WEE1: variants seen among roughly 807,000 people sequenced by gnomAD.
WEE1 encodes WEE1 G2 checkpoint kinase, also known as wee1-like protein kinase.
In WEE1, 16 loss-of-function variants were observed where a neutral mutation model predicts 68.8. That is an observed-to-expected ratio of 0.23 (90% CI 0.16 to 0.35). The LOEUF (loss-of-function observed/expected upper bound fraction) is 0.35, where lower values mean the gene tolerates loss of function less well. Ranked by LOEUF, WEE1 falls within the 10% of genes least tolerant of loss-of-function variation. The probability of loss-of-function intolerance (pLI) is 1.00; values close to 1 mark genes in which losing one functional copy is unlikely to be tolerated. For synonymous variants in WEE1, 349 were observed against 318.7 expected (o/e 1.09, Z -1.01); for missense variants, 651 against 824.1 (o/e 0.79, Z 2.57).
At position 9,584,295 on chromosome 11, in the gene WEE1, C is replaced by T. The variant is rs1045818729; in HGVS notation, c.1289-963C>T. 9.9e-5 allele frequency among the ~76,000 whole-genome samples: 15 copies of T among 152,144 alleles called. 1 individual carries two copies. Among genetic ancestry groups the T allele is most frequent in the South Asian group, 2.1e-4 (1 of 4,804 alleles). On this transcript the variant is annotated intron_variant, in intron 6 of 10. Coordinates refer to ENST00000450114, the MANE Select transcript of WEE1 (RefSeq NM_003390.4). ...GGACTACAGGCATGCACCACCATTCCCAGCTATTTTAATTTTTTTCTTTTT... is the reference window on the plus strand; with the variant it reads ...GGACTACAGGCATGCACCACCATTCTCAGCTATTTTAATTTTTTTCTTTTT...
chr11:9,576,162 T>A lies in WEE1; in HGVS notation c.783-68T>A. 1 of 1,603,606 alleles carries A rather than the reference T, an allele frequency of 6.2e-7. No homozygotes were observed. The highest frequency in any genetic ancestry group is 8.5e-7 in the Non-Finnish European group (1 of 1,173,440). On this transcript the variant is annotated intron_variant, in intron 2 of 10. Transcript: ENST00000450114. This position sits in a 1 kb window ranked among gnomAD's most constrained non-coding sequence, Gnocchi z 4.3. ...ATTGGTTTGGTATACTTATCAAAATTTAGTTCCTATTTAATGGCATGGATG... is the reference window on the plus strand; with the variant it reads ...ATTGGTTTGGTATACTTATCAAAATATAGTTCCTATTTAATGGCATGGATG...
Position 9,586,635 on chromosome 11 carries a change from A to T in WEE1, c.1641+16A>T. On this transcript the variant is annotated intron_variant, in intron 9 of 10. Coordinates refer to ENST00000450114, the MANE Select transcript of WEE1 (RefSeq NM_003390.4). ...GTTGCTAAAAGTGAGCATTTTATAT[A>T]TGAAGCCCTTTATTGACATGGTTCT... The T allele has an allele frequency of 1.2e-6, 2 of 1,613,714 alleles. No individual in the cohort carries two copies. Among genetic ancestry groups the T allele is most frequent in the Admixed American group, 1.7e-5 (1 of 59,886 alleles).
Position 9,574,662 on chromosome 11 carries a change from T to G in WEE1, c.576+153T>G. The G allele has an allele frequency of 1.8e-6, 2 of 1,100,996 alleles. No individual in the cohort carries two copies. The highest frequency in any genetic ancestry group is 1.1e-6 in the Non-Finnish European group (1 of 905,832). 68.2% of individuals were successfully genotyped at this position (1,100,996 alleles called of 1,614,324 possible). On this transcript the variant is annotated intron_variant, in intron 1 of 10. Coordinates refer to ENST00000450114, the MANE Select transcript of WEE1 (RefSeq NM_003390.4). This position sits in a 1 kb window ranked among gnomAD's most constrained non-coding sequence, Gnocchi z 4.9. Reference sequence around the variant, plus strand: ...AGTTGGCAGCCCTTGTGTTTGGCCCTGCCCCGAGGTTGTCCGTTGAGATTA... The same window carrying G: ...AGTTGGCAGCCCTTGTGTTTGGCCCGGCCCCGAGGTTGTCCGTTGAGATTA...
Position 9,586,840 on chromosome 11 carries a change from A to G in WEE1, c.1771A>G (p.Asn591Asp). 1 of 1,605,122 alleles carries G rather than the reference A, an allele frequency of 6.2e-7. No homozygotes were observed. The highest frequency in any genetic ancestry group is 8.5e-7 in the Non-Finnish European group (1 of 1,177,802). The change falls in exon 10 of 11, where the codon AAT becomes GAT. Residue 591 changes from asparagine to aspartate, a missense_variant. Asn to Asp is a conservative substitution (Grantham distance 23, BLOSUM62 1). Transcript: ENST00000450114. ...RIELNAEKFKNSLLQKELKKA... is the reference protein window; with the variant it reads ...RIELNAEKFKDSLLQKELKKA... Reference sequence around the variant, plus strand: ...AGAATTGAATGCCGAAAAGTTCAAAAATTCACTTTTACAAAAGTAAGTGAG... The same window carrying G: ...AGAATTGAATGCCGAAAAGTTCAAAGATTCACTTTTACAAAAGTAAGTGAG...
At chr11:9,585,731 ACAC>A (rs1849692944) in intron 8 of WEE1, among the ~76,000 whole-genome samples, 1 of 152,244 alleles carries the variant, frequency 6.6e-6, no homozygotes, top group Non-Finnish European at 1.5e-5. Flanking sequence ...ATGTTCTCAT[ACAC>A]CACTGGTGGA....
intron 6 of WEE1, among the ~76,000 whole-genome samples, chr11:9,582,597 C>T (rs1030142768): frequency 2.0e-5 from 3 of 152,220 alleles, no homozygotes; most frequent in Middle Eastern, 3.4e-3. Flanking sequence ...GATGGAGTCT[C>T]GCTCTGTTGC....
chr11:9,575,809 G>C (rs1174128465), intron 1 of WEE1, 79 bp from the exon 2 acceptor site: 3 of 1,263,136 alleles, frequency 2.4e-6, no homozygotes, highest in East Asian at 2.4e-5. Flanking sequence ...CCTATGAAAG[G>C]CTCGTTGAAG....
chr11:9,574,541 CG>C lies in WEE1; in HGVS notation c.576+36del, dbSNP rs1430831844. The C allele has an allele frequency of 1.7e-6, 2 of 1,172,242 alleles. No individual in the cohort carries two copies. Among genetic ancestry groups the C allele is most frequent in the South Asian group, 3.9e-5 (1 of 25,734 alleles). The allele number at this position is 1,172,242 out of a possible 1,614,324, so 72.6% of individuals were successfully genotyped here. Reference sequence around the variant, plus strand: ...GCGGCGGGCGCGGGCACCCGGCGGCCGGGGCCGCGGCGCCGGAGGGGCCAGC... The same window carrying C: ...GCGGCGGGCGCGGGCACCCGGCGGCCGGGCCGCGGCGCCGGAGGGGCCAGC... On this transcript the variant is annotated intron_variant, in intron 1 of 10. Transcript: ENST00000450114. The surrounding 1 kb of genome is among the most constrained non-coding windows in gnomAD (Gnocchi z 4.9).
chr11:9,585,470 C>G lies in WEE1; in HGVS notation c.1413C>G (p.Ser471=). The change falls in exon 8 of 11, where the codon TCC becomes TCG. Residue 471 remains serine (S), a synonymous_variant. Transcript: ENST00000450114. ...ATCTTGGGCATGTAACAAGGATCTC[C>G]AGTCCACAAGTTGAAGAGGGCGATA... ...IGDLGHVTRI[S]SPQVEEGDSR... is the part of the protein sequence containing the mutation. The G allele has an allele frequency of 6.2e-7, 1 of 1,604,438 alleles. No individual in the cohort carries two copies. The highest frequency in any genetic ancestry group is 8.5e-7 in the Non-Finnish European group (1 of 1,177,684).
chr11:9,575,284 C>G lies in WEE1; in HGVS notation c.577-604C>G, dbSNP rs150591782. On this transcript the variant is annotated intron_variant, in intron 1 of 10. Coordinates refer to ENST00000450114, the MANE Select transcript of WEE1 (RefSeq NM_003390.4). ...CCTTCGAGTACTGCGCAGATGACCA[C>G]TTTTAAAACTGCAGATTTTAAAGCT... 1.5e-4 allele frequency: 147 copies of G among 986,986 alleles called. 1 individual carries two copies. The African/African-American group carries it at 2.2e-3, about 15-fold the overall frequency. The allele number at this position is 986,986 out of a possible 1,614,324, so 61.1% of individuals were successfully genotyped here.
Position 9,588,497 on chromosome 11 carries a change from A to T in WEE1, c.1836A>T (p.Ala612=), listed in dbSNP as rs946660028. 1.9e-6 allele frequency: 3 copies of T among 1,609,428 alleles called. No individual in the cohort carries two copies. The African/African-American group carries it at 4.0e-5, about 22-fold the overall frequency. The part of the protein sequence containing the change: ...QMAKAAAEER[A]LFTDRMATRS... ...CAAAAGCTGCAGCTGAGGAAAGAGC[A>T]CTCTTCACTGACCGGATGGCCACTA... Residue 612 remains alanine (A), a synonymous_variant, in exon 11 of 11, where the codon GCA becomes GCT. Transcript: ENST00000450114.
chr11:9,574,032 TGAGGAGGAGGAAGAAGAG>T lies in WEE1; in HGVS notation c.111_128del (p.Glu38_Glu43del). ...TGATCTTCTCGCCCTGCAGCGACTG[TGAGGAGGAGGAAGAAGAG>T]GAGGAGGAGGAGGGCAGCGGCCACA... On this transcript the variant is annotated inframe_deletion, in exon 1 of 11. Transcript: ENST00000450114. The surrounding 1 kb of genome is among the most constrained non-coding windows in gnomAD (Gnocchi z 4.9). The T allele has an allele frequency of 7.9e-7, 1 of 1,264,776 alleles. No individual in the cohort carries two copies. The highest frequency in any genetic ancestry group is 1.0e-6 in the Non-Finnish European group (1 of 1,004,392). 78.3% of individuals were successfully genotyped at this position (1,264,776 alleles called of 1,614,324 possible). A position where few individuals can be genotyped will look rare whatever the true frequency, so the allele number is the denominator to read the frequency against.
rs1167009979 is a variant in WEE1 at position 9,576,100 on chromosome 11, C to T, written c.782+7C>T. On this transcript the variant is annotated splice_region_variant and intron_variant, in intron 2 of 10. Transcript: ENST00000450114. The surrounding 1 kb of genome is among the most constrained non-coding windows in gnomAD (Gnocchi z 4.3). ...AGAGAACGTATTGGAATGAGTAAGT[C>T]GTTTATTTAACAGTTTGGTTCTCCA... 2 of 1,613,432 alleles carry T rather than the reference C, an allele frequency of 1.2e-6. No homozygotes were observed. Among genetic ancestry groups the T allele is most frequent in the African/African-American group, 1.3e-5 (1 of 74,852 alleles).
chr11:9,585,180 G>A, intron 6 of WEE1, 78 bp from the exon 7 acceptor site: 2 of 1,121,086 alleles, frequency 1.8e-6, no homozygotes, highest in Non-Finnish European at 2.7e-6. Context: ...CATTATGGAT[G>A]ATTCTGGTAT....
At position 9,574,110 on chromosome 11, in the gene WEE1, C is replaced by T. The variant is rs1186837930; in HGVS notation, c.177C>T (p.Asp59=). The T allele has an allele frequency of 6.4e-5, 78 of 1,218,238 alleles. No individual in the cohort carries two copies. The highest frequency in any genetic ancestry group is 4.6e-5 in the Non-Finnish European group (45 of 979,392). The allele number at this position is 1,218,238 out of a possible 1,614,324, so 75.5% of individuals were successfully genotyped here. Residue 59 remains aspartate, a synonymous_variant, in exon 1 of 11, where the codon GAC becomes GAT. Coordinates refer to ENST00000450114, the MANE Select transcript of WEE1 (RefSeq NM_003390.4). This position sits in a 1 kb window ranked among gnomAD's most constrained non-coding sequence, Gnocchi z 4.9. The part of the protein sequence containing the change: ...TGEDSAFQEP[D]SPLPPARSPT... ...AGGACTCGGCCTTTCAAGAGCCCGA[C>T]TCGCCGCTGCCGCCCGCGCGGAGCC...
Position 9,576,042 on chromosome 11 carries a change from T to G in WEE1, c.731T>G (p.Leu244Trp), listed in dbSNP as rs1272371469. 1.2e-6 allele frequency: 2 copies of G among 1,614,208 alleles called. No homozygotes were observed. Among genetic ancestry groups the G allele is most frequent in the South Asian group, 1.1e-5 (1 of 91,084 alleles). The change falls in exon 2 of 11, where the codon TTG becomes TGG. Residue 244 changes from leucine (L) to tryptophan (W), a missense_variant. Around this residue, in one of 5 missense-constraint regions of WEE1, gnomAD observed 395 missense variants for 378.4 expected, o/e 1.04. Transcript: ENST00000450114. The surrounding 1 kb of genome is among the most constrained non-coding windows in gnomAD (Gnocchi z 4.3). ...AATCCTTTTACTCCGGATTCTTTGT[T>G]GCTTCATTCCTCAGGACAGTGTCGT... ...NINPFTPDSL[L>W]LHSSGQCRRR...
At chr11:9,584,479 C>T (rs1446821790) in intron 6 of WEE1, among the ~76,000 whole-genome samples, 1 of 152,084 alleles carries the variant, frequency 6.6e-6, no homozygotes, top group Non-Finnish European at 1.5e-5. Context: ...AAAATAGAAT[C>T]TGCCACTAAA....
chr11:9,577,467 G>T, intron 5 of WEE1: 1 of 549,018 alleles, frequency 1.8e-6, no homozygotes, highest in East Asian at 3.4e-5. Flanking sequence ...GTAGAACTTC[G>T]CATACTATTT....
chr11:9,582,754 G>A (rs1849642197), intron 6 of WEE1, among the ~76,000 whole-genome samples: 1 of 152,126 alleles, frequency 6.6e-6, no homozygotes, highest in African/African-American at 2.4e-5. Context: ...TTTTAGTAGA[G>A]ACGGGTTTCA....
Sources: gnomAD v4.1 joint callset for allele counts (sites outside exome capture counted in the v4.1 genomes callset) on GRCh38, gnomAD v4.1.1 for gene constraint, gnomAD v4.1.1 regional missense constraint, Gnocchi (gnomAD v3.1) non-coding constraint, MANE v1.5 for transcripts, NCBI Gene and HGNC (gene_info 2026-07-23, HGNC 2026-07-21) for gene names.